The following NTM variants were observed in gnomAD, a reference collection of about 807,000 sequenced individuals.
NTM encodes neurotrimin, also known as IgLON family member 2.
In NTM, 13 loss-of-function variants were observed where a neutral mutation model predicts 42.1. That is an observed-to-expected ratio of 0.31 (90% CI 0.20 to 0.49). The LOEUF (loss-of-function observed/expected upper bound fraction) is 0.49. Among genes scored for constraint, NTM ranks in the 20% least tolerant of loss-of-function variants. NTM has a pLI of 0.99. For missense variants in NTM, 373 were observed against 452.8 expected (o/e 0.82, Z 1.60); for synonymous variants, 187 against 179.2 (o/e 1.04, Z -0.35).
intron 1 of NTM, among the ~76,000 whole-genome samples, chr11:131,465,471 G>A (rs1037473991): frequency 6.6e-6 from 1 of 152,100 alleles, no homozygotes; most frequent in Non-Finnish European, 1.5e-5. Flanking sequence ...ACTGGGAGAA[G>A]GTCATTCCTA....
At chr11:131,824,034 G>A (rs536676268) in intron 1 of NTM, among the ~76,000 whole-genome samples, 1 of 152,272 alleles carries the variant, frequency 6.6e-6, no homozygotes, top group East Asian at 1.9e-4. Flanking sequence ...GAGGCGGGAG[G>A]ATAAGAGGAT....
At chr11:132,126,020 G>A (rs59238664) in intron 2 of NTM, among the ~76,000 whole-genome samples, 27,196 of 151,992 alleles carry the variant, frequency 0.18, 2,585 homozygotes, top group East Asian at 0.24. Context: ...CAAAGGTGGA[G>A]CCTCGCTTTC....
intron 1 of NTM, among the ~76,000 whole-genome samples, chr11:131,829,861 A>G (rs1185744126): frequency 6.6e-6 from 1 of 152,074 alleles, no homozygotes; most frequent in Non-Finnish European, 1.5e-5. Context: ...TGACTTTTTA[A>G]TAATAGCCAC....
intron 3 of NTM, among the ~76,000 whole-genome samples, chr11:132,166,678 C>A (rs901778802): frequency 6.6e-6 from 1 of 152,206 alleles, no homozygotes; most frequent in Non-Finnish European, 1.5e-5. Context: ...CTACTAAGTG[C>A]AAGCCACTGT....
chr11:131,651,693 T>TAG (rs1162018327), intron 1 of NTM, among the ~76,000 whole-genome samples: 1 of 151,962 alleles, frequency 6.6e-6, no homozygotes, highest in Non-Finnish European at 1.5e-5. Flanking sequence ...ATACAAAAAT[T>TAG]AGCTGGGCAT....
chr11:132,029,837 G>A (rs754657127), intron 2 of NTM, among the ~76,000 whole-genome samples: 56 of 152,106 alleles, frequency 3.7e-4, no homozygotes, highest in Non-Finnish European at 7.6e-4. Flanking sequence ...ATTTCTGCCT[G>A]TTATTCATGA....
At chr11:131,591,159 C>T (rs1243637496) in intron 1 of NTM, among the ~76,000 whole-genome samples, 1 of 152,188 alleles carries the variant, frequency 6.6e-6, no homozygotes, top group African/African-American at 2.4e-5. Context: ...ACTCAAATTC[C>T]TCACCTCCTC....
At chr11:131,416,101 T>C (rs570410436) in intron 1 of NTM, among the ~76,000 whole-genome samples, 54 of 152,362 alleles carry the variant, frequency 3.5e-4, no homozygotes, top group African/African-American at 1.3e-3. Context: ...TTTGCTTTTT[T>C]ATCTGAGGTT....
intron 1 of NTM, among the ~76,000 whole-genome samples, chr11:131,658,885 C>T (rs2067574463): frequency 1.3e-5 from 2 of 152,126 alleles, no homozygotes; most frequent in East Asian, 1.9e-4. Flanking sequence ...GCACGAGAAT[C>T]GCTTGAACCA....
chr11:131,879,325 C>T (rs1592497382), intron 1 of NTM, among the ~76,000 whole-genome samples: 1 of 152,272 alleles, frequency 6.6e-6, no homozygotes, highest in African/African-American at 2.4e-5. Flanking sequence ...GTCCACCCGT[C>T]CCGCAGTGAT....
At chr11:132,320,720 G>T (rs1379018376) in intron 7 of NTM, among the ~76,000 whole-genome samples, 1 of 152,012 alleles carries the variant, frequency 6.6e-6, no homozygotes, top group East Asian at 1.9e-4. Context: ...ACCTCTGGGG[G>T]CAGGGCACAG....
At chr11:131,880,928 G>A (rs1309614468) in intron 1 of NTM, among the ~76,000 whole-genome samples, 2 of 152,096 alleles carry the variant, frequency 1.3e-5, no homozygotes, top group East Asian at 3.9e-4. Flanking sequence ...GGCAGGTAGG[G>A]AACAGTCAGA....
chr11:131,524,133 G>T (rs1363584529), intron 1 of NTM, among the ~76,000 whole-genome samples: 2 of 152,206 alleles, frequency 1.3e-5, no homozygotes, highest in Admixed American at 1.3e-4. Context: ...TCTCAGTTAG[G>T]CCTAGCAATG....
At chr11:131,444,266 G>T (rs1187350574) in intron 1 of NTM, among the ~76,000 whole-genome samples, 2 of 133,316 alleles carry the variant, frequency 1.5e-5, no homozygotes, top group East Asian at 4.7e-4. Flanking sequence ...AGAAATGGAA[G>T]AAACAATAAG....
chr11:131,449,236 AGGACAGCCGG>A lies in NTM; in HGVS notation c.82+78353_82+78362del, dbSNP rs146451632. 3.1e-3 allele frequency among the ~76,000 whole-genome samples: 468 copies of A among 152,342 alleles called. 18 individuals are homozygous for A. In the East Asian group the frequency reaches 0.078, roughly 26 times the overall value. On this transcript the variant is annotated intron_variant, in intron 1 of 8. Transcript: ENST00000683400. ...TCATGCATGAGATTAGCAACACAGAAGGACAGCCGGGGACTGCTGGCTGTAGGCGGGCATG... is the reference window on the plus strand; with the variant it reads ...TCATGCATGAGATTAGCAACACAGAAGGACTGCTGGCTGTAGGCGGGCATG...
intron 1 of NTM, chr11:131,910,855 C>T (rs2054752333): frequency 2.0e-6 from 2 of 985,188 alleles, no homozygotes; most frequent in Middle Eastern, 5.2e-4. Flanking sequence ...AGGAAGTTGA[C>T]CGAGGCGGCT....
At chr11:131,992,525 C>A (rs570854627) in intron 2 of NTM, among the ~76,000 whole-genome samples, 115 of 152,048 alleles carry the variant, frequency 7.6e-4, no homozygotes, top group Non-Finnish European at 1.4e-3. Context: ...AAAACAGGCA[C>A]CAAGGACAGG....
chr11:131,565,491 C>T (rs1394289451), intron 1 of NTM, among the ~76,000 whole-genome samples: 2 of 152,172 alleles, frequency 1.3e-5, no homozygotes, highest in Non-Finnish European at 2.9e-5. Flanking sequence ...GTACACAGCT[C>T]GGTTGCTGGC....
At chr11:132,081,502 G>A (rs2059037050) in intron 2 of NTM, among the ~76,000 whole-genome samples, 1 of 152,148 alleles carries the variant, frequency 6.6e-6, no homozygotes, top group African/African-American at 2.4e-5. Context: ...GGAGGCTGAG[G>A]TGGGTGGATC....
Sources: allele counts gnomAD v4.1 joint callset (sites outside exome capture counted in the v4.1 genomes callset), GRCh38; gene constraint gnomAD v4.1.1; transcripts MANE v1.5; gene names NCBI Gene and HGNC (gene_info 2026-07-23, HGNC 2026-07-21).